Variants in GLIS2 observed in about 807,000 individuals in gnomAD.
The protein encoded by GLIS2 is zinc finger protein GLIS2.
In GLIS2, 14 loss-of-function variants were observed where a neutral mutation model predicts 35.6. That is an observed-to-expected ratio of 0.39 (90% confidence interval 0.26 to 0.61). The LOEUF (loss-of-function observed/expected upper bound fraction) is 0.61, where lower values mean the gene tolerates loss of function less well. GLIS2 is among the 20% of genes least tolerant of loss of function. GLIS2 has a pLI of 0.48. For missense variants in GLIS2, 675 were observed against 713.4 expected (o/e 0.95, Z 0.61); for synonymous variants, 368 against 325.1 (o/e 1.13, Z -1.42).
chr16:4,322,625 C>CG (rs2053389956), intron 1 of GLIS2, among the ~76,000 whole-genome samples: 1 of 152,040 alleles, frequency 6.6e-6, no homozygotes, highest in African/African-American at 2.4e-5. Flanking sequence ...GGAGCAGCCC[C>CG]CCCCCTACAC....
At chr16:4,316,682 G>T (rs1032457901) in intron 1 of GLIS2, among the ~76,000 whole-genome samples, 2 of 152,080 alleles carry the variant, frequency 1.3e-5, no homozygotes, top group Non-Finnish European at 2.9e-5. Flanking sequence ...GCTGCTGCTA[G>T]GAAGGGCTTT....
intron 1 of GLIS2, among the ~76,000 whole-genome samples, chr16:4,319,644 G>GTGGC (rs2053354585): frequency 6.6e-6 from 1 of 152,232 alleles, no homozygotes; most frequent in Non-Finnish European, 1.5e-5. Flanking sequence ...TAAGTCAGGC[G>GTGGC]TGGCTGGGGG....
At chr16:4,330,494 C>T (rs1023270799) in intron 1 of GLIS2, among the ~76,000 whole-genome samples, 5 of 152,256 alleles carry the variant, frequency 3.3e-5, no homozygotes, top group African/African-American at 1.2e-4. Context: ...CGACCCAGCG[C>T]CCTGGGGCTC....
At position 4,320,729 on chromosome 16, in the gene GLIS2, C is replaced by T. The variant is rs2053369667; in HGVS notation, c.-67+4475C>T. 6.6e-6 allele frequency among the ~76,000 whole-genome samples: 1 copy of T among 152,200 alleles called. No individual in the cohort carries two copies. The highest frequency in any genetic ancestry group is 1.5e-5 in the Non-Finnish European group (1 of 68,018). On this transcript the variant is annotated intron_variant, in intron 1 of 6. Coordinates refer to ENST00000433375, the MANE Select transcript of GLIS2 (RefSeq NM_032575.3). The surrounding 1 kb of genome is among the most constrained non-coding windows in gnomAD (Gnocchi z 5.6). ...CACCTTCATCCAGAGCCCCCATTCC[C>T]CACCCCAACTTCCAGGCAGACCGAC...
chr16:4,326,128 C>G (rs768133638), intron 1 of GLIS2, among the ~76,000 whole-genome samples: 1 of 151,744 alleles, frequency 6.6e-6, no homozygotes, highest in Non-Finnish European at 1.5e-5. Flanking sequence ...GCCTGTAGTC[C>G]CAGCAACTCA....
In GLIS2 at chr16:4,334,907, C is replaced by G; in HGVS notation, c.452C>G (p.Thr151Ser). The change falls in exon 4 of 7, where the codon ACC (threonine) becomes AGC (serine). Residue 151 changes from threonine (T) to serine (S), a missense_variant. Around this residue, in one of 3 missense-constraint regions of GLIS2, gnomAD observed 225 missense variants for 238.7 expected, o/e 0.94. Transcript: ENST00000433375. ...ALHLPASSFLTPPKDKCLSPD... is the reference protein window; with the variant it reads ...ALHLPASSFLSPPKDKCLSPD... ...CACCTGCCTGCCTCCTCCTTCCTTA[C>G]CCCTCCCAAGGACAAGTGCCTCTCG... 1.9e-6 allele frequency: 3 copies of G among 1,613,200 alleles called. No individual in the cohort carries two copies. The highest frequency in any genetic ancestry group is 1.7e-6 in the Non-Finnish European group (2 of 1,180,034).
In GLIS2 at chr16:4,332,783, A is replaced by G. The variant is rs2053511853; in HGVS notation, c.172+331A>G. Among the ~76,000 whole-genome samples the G allele has an allele frequency of 6.6e-6, 1 of 152,116 alleles. No individual in the cohort carries two copies. The highest frequency in any genetic ancestry group is 2.4e-5 in the African/African-American group (1 of 41,408). ...GGCTGTGGGGTGGTGCCGCTGGCCA[A>G]CCTGGGCAGTAGAGGCTGGGTCTGA... On this transcript the variant is annotated intron_variant, in intron 2 of 6. Coordinates refer to ENST00000433375, the MANE Select transcript of GLIS2 (RefSeq NM_032575.3). This position sits in a 1 kb window ranked among gnomAD's most constrained non-coding sequence, Gnocchi z 5.4.
At chr16:4,317,952 A>G (rs531786753) in intron 1 of GLIS2, among the ~76,000 whole-genome samples, 2 of 152,022 alleles carry the variant, frequency 1.3e-5, no homozygotes, top group East Asian at 1.9e-4. Context: ...TTGGTGTTAA[A>G]TCCCTCCAGC....
intron 1 of GLIS2, among the ~76,000 whole-genome samples, chr16:4,328,529 G>C (rs2053462631): frequency 6.6e-6 from 1 of 152,246 alleles, no homozygotes; most frequent in Non-Finnish European, 1.5e-5. Flanking sequence ...GGGAGGGCCT[G>C]GAACAGGGAT....
Position 4,335,514 on chromosome 16 carries a change from A to T in GLIS2, c.775+121A>T. On this transcript the variant is annotated intron_variant, in intron 6 of 6. Transcript: ENST00000433375. This position sits in a 1 kb window ranked among gnomAD's most constrained non-coding sequence, Gnocchi z 4.6. Reference sequence around the variant, plus strand: ...TCCCGGGCCTCAGAGATAAGGGTTGATGTCATCGCCCAGGGGTCCCTTTTC... The same window carrying T: ...TCCCGGGCCTCAGAGATAAGGGTTGTTGTCATCGCCCAGGGGTCCCTTTTC... 1 of 878,542 alleles carries T rather than the reference A, an allele frequency of 1.1e-6. No individual in the cohort carries two copies. 54.4% of individuals were successfully genotyped at this position (878,542 alleles called of 1,614,324 possible).
intron 2 of GLIS2, among the ~76,000 whole-genome samples, chr16:4,333,043 C>T: frequency 6.6e-6 from 1 of 152,146 alleles, no homozygotes; most frequent in East Asian, 1.9e-4. Context: ...GACAGGGACC[C>T]AGGGGCCCTG....
chr16:4,327,940 C>A (rs972529131), intron 1 of GLIS2, among the ~76,000 whole-genome samples: 1 of 150,514 alleles, frequency 6.6e-6, no homozygotes, highest in Non-Finnish European at 1.5e-5. Context: ...CGTGTGGGGG[C>A]GCTGCCCTGG....
At position 4,320,552 on chromosome 16, in the gene GLIS2, C is replaced by T. The variant is rs1017941603; in HGVS notation, c.-67+4298C>T. ...AAATGTCGGTTTAGCCTGGGAATCC[C>T]CCCAGCTCCACTCCTGCCCCCCACG... On this transcript the variant is annotated intron_variant, in intron 1 of 6. Coordinates refer to ENST00000433375, the MANE Select transcript of GLIS2 (RefSeq NM_032575.3). The surrounding 1 kb of genome is among the most constrained non-coding windows in gnomAD (Gnocchi z 5.6). Among the ~76,000 whole-genome samples the T allele has an allele frequency of 7.6e-5, 11 of 145,454 alleles. No individual in the cohort carries two copies. The highest frequency in any genetic ancestry group is 1.3e-4 in the Non-Finnish European group (9 of 67,604).
intron 1 of GLIS2, among the ~76,000 whole-genome samples, chr16:4,318,863 T>C (rs937149538): frequency 1.3e-5 from 2 of 152,234 alleles, no homozygotes; most frequent in African/African-American, 4.8e-5. Flanking sequence ...GGAATCTGAA[T>C]TCCCCACTTG....
rs543408231 is a variant in GLIS2, at chr16:4,335,406, G to A, written c.775+13G>A. The A allele has an allele frequency of 1.3e-5, 21 of 1,612,742 alleles. No homozygotes were observed. The African/African-American group carries it at 2.7e-4, about 20-fold the overall frequency. On this transcript the variant is annotated intron_variant, in intron 6 of 6. Transcript: ENST00000433375. This position sits in a 1 kb window ranked among gnomAD's most constrained non-coding sequence, Gnocchi z 4.6. The stretch of plus-strand genomic sequence containing the variant: ...CGGTCGCACACAGGTAAGAGGCCGG[G>A]GCCGGGCGGCTTGGCCCATGAAGGG...
chr16:4,322,930 T>C (rs948343499), intron 1 of GLIS2, among the ~76,000 whole-genome samples: 1 of 152,214 alleles, frequency 6.6e-6, no homozygotes, highest in East Asian at 1.9e-4. Flanking sequence ...GGAGGCGCGG[T>C]GTTTCCTTCG....
chr16:4,315,695 G>T (rs183756765), upstream of GLIS2, among the ~76,000 whole-genome samples: 18 of 149,436 alleles, frequency 1.2e-4, 1 homozygote, highest in East Asian at 3.4e-3. Context: ...GGATGGGGCC[G>T]AGGAGGACGC....
At position 4,337,070 on chromosome 16, in the gene GLIS2, T is replaced by C. The variant is rs1378666428; in HGVS notation, c.1121T>C (p.Leu374Pro). 1.3e-6 allele frequency: 2 copies of C among 1,542,782 alleles called. No homozygotes were observed. Among genetic ancestry groups the C allele is most frequent in the Non-Finnish European group, 1.7e-6 (2 of 1,149,290 alleles). The change falls in exon 7 of 7, where the codon CTG becomes CCG. Residue 374 changes from leucine to proline, a missense_variant. Leu to Pro is a moderately conservative substitution (Grantham distance 98). Transcript: ENST00000433375. Reference protein sequence around the residue: ...GPGLPGLPLPLAPGPLDLSAL... With the variant: ...GPGLPGLPLPPAPGPLDLSAL... ...GGCCTGCCCGGCTTACCCCTACCCC[T>C]GGCCCCCGGCCCCCTTGACCTCAGT... is the stretch of plus-strand genomic sequence containing the variant.
At position 4,337,690 on chromosome 16, in the gene GLIS2, A is replaced by AGCC; in HGVS notation, c.*167_*169dup. On this transcript the variant is annotated 3_prime_UTR_variant, in exon 7 of 7. Coordinates refer to ENST00000433375, the MANE Select transcript of GLIS2 (RefSeq NM_032575.3). Reference sequence around the variant, plus strand: ...CTAGGTCATTCATGGCTGGCCTCCCAGCCCCCGGGTGGGGACCTGGCCTGT... The same window carrying AGCC: ...CTAGGTCATTCATGGCTGGCCTCCCAGCCGCCCCCGGGTGGGGACCTGGCCTGT... The AGCC allele has an allele frequency of 2.0e-6, 2 of 1,005,838 alleles. No homozygotes were observed. The highest frequency in any genetic ancestry group is 3.0e-6 in the Non-Finnish European group (2 of 677,372). 62.3% of individuals were successfully genotyped at this position (1,005,838 alleles called of 1,614,324 possible). A position where few individuals can be genotyped will look rare whatever the true frequency, so the allele number is the denominator to read the frequency against.
Sources: allele counts gnomAD v4.1 joint callset (sites outside exome capture counted in the v4.1 genomes callset), GRCh38; gene constraint gnomAD v4.1.1; regional missense constraint gnomAD v4.1.1; non-coding constraint Gnocchi (gnomAD v3.1); transcripts MANE v1.5; gene names NCBI Gene and HGNC (gene_info 2026-07-23, HGNC 2026-07-21).